Variants in CCDC97 observed in about 807,000 individuals in gnomAD.
CCDC97 encodes the protein coiled-coil domain containing 97.
Under a neutral mutation model 33.9 loss-of-function variants are expected in CCDC97, and 27 were observed. The observed-to-expected ratio is 0.80, with a 90% CI of 0.59 to 1.10. The LOEUF is 1.10. CCDC97 is among the 50% of genes least tolerant of loss of function. CCDC97 has a pLI of 0.00. For missense variants in CCDC97, 422 were observed against 476.6 expected (o/e 0.89, Z 1.07); for synonymous variants, 217 against 194.0 (o/e 1.12, Z -0.99).
At chr19:41,316,035 A>G (rs1157325100) in intron 1 of CCDC97, among the ~76,000 whole-genome samples, 1 of 151,408 alleles carries the variant, frequency 6.6e-6, no homozygotes, top group Admixed American at 6.6e-5. Flanking sequence ...TCAAGGCTGC[A>G]GTGAGCTGTG....
intron 1 of CCDC97, among the ~76,000 whole-genome samples, chr19:41,311,397 A>G (rs561111631): frequency 1.9e-4 from 28 of 150,852 alleles, no homozygotes; most frequent in African/African-American, 6.6e-4. Flanking sequence ...GGAGTTTGAG[A>G]CCAGCACTGG....
At chr19:41,310,775 A>C (rs1599870380) in intron 1 of CCDC97, 1 of 1,013,560 alleles carries the variant, frequency 9.9e-7, no homozygotes. Flanking sequence ...CTAAACTTCT[A>C]CCTGCCTCAT....
At chr19:41,312,163 A>C (rs1183931012) in intron 1 of CCDC97, among the ~76,000 whole-genome samples, 2 of 152,124 alleles carry the variant, frequency 1.3e-5, no homozygotes, top group African/African-American at 4.8e-5. Context: ...AGCTCACTGC[A>C]ACCTCCACCT....
At chr19:41,321,559 G>C (rs906079084) in intron 4 of CCDC97, among the ~76,000 whole-genome samples, 1 of 152,230 alleles carries the variant, frequency 6.6e-6, no homozygotes, top group Non-Finnish European at 1.5e-5. Context: ...CCTGAAAAGG[G>C]GTCCCACTCT....
At position 41,320,384 on chromosome 19, in the gene CCDC97, G is replaced by A. The variant is rs764277110; in HGVS notation, c.825G>A (p.Ser275=). ...GKDSEAWVPD[S]EERLILREEF... Reference sequence around the variant, plus strand: ...ACTCGGAGGCCTGGGTTCCCGACTCGGAGGAGAGGCTGATCCTGCGAGAGG... The same window carrying A: ...ACTCGGAGGCCTGGGTTCCCGACTCAGAGGAGAGGCTGATCCTGCGAGAGG... The change falls in exon 4 of 5, where the codon TCG becomes TCA. Residue 275 remains serine, a synonymous_variant. Coordinates refer to ENST00000269967, the MANE Select transcript of CCDC97 (RefSeq NM_052848.3). 28 of 1,614,122 alleles carry A rather than the reference G, an allele frequency of 1.7e-5. No individual in the cohort carries two copies. The East Asian group carries it at 2.0e-4, about 12-fold the overall frequency.
chr19:41,324,628 G>C lies in CCDC97; in HGVS notation c.*1913G>C, dbSNP rs1370041160. On this transcript the variant is annotated 3_prime_UTR_variant, in exon 5 of 5. Transcript: ENST00000269967. ...ATTGTCCCAGCAGTGCTATGCCCTA[G>C]GTACTACCAATATCACTCCTCTATT... The C allele has an allele frequency of 6.6e-6, 1 of 152,242 alleles. No homozygotes were observed. Among genetic ancestry groups the C allele is most frequent in the East Asian group, 1.9e-4 (1 of 5,194 alleles). The allele number at this position is 152,242 out of a possible 1,614,324, so 9.4% of individuals were successfully genotyped here.
Position 41,320,386 on chromosome 19 carries a change from A to G in CCDC97, c.827A>G (p.Glu276Gly), listed in dbSNP as rs754248374. The stretch of plus-strand genomic sequence containing the variant: ...TCGGAGGCCTGGGTTCCCGACTCGG[A>G]GGAGAGGCTGATCCTGCGAGAGGAG... ...KDSEAWVPDSEERLILREEFT... is the reference protein window; with the variant it reads ...KDSEAWVPDSGERLILREEFT... Residue 276 changes from glutamate to glycine, a missense_variant, in exon 4 of 5, where the codon GAG (glutamate) becomes GGG (glycine). Coordinates refer to ENST00000269967, the MANE Select transcript of CCDC97 (RefSeq NM_052848.3). 1 of 1,614,082 alleles carries G rather than the reference A, an allele frequency of 6.2e-7. No homozygotes were observed. Among genetic ancestry groups the G allele is most frequent in the Non-Finnish European group, 8.5e-7 (1 of 1,179,992 alleles).
At position 41,322,905 on chromosome 19, in the gene CCDC97, T is replaced by C; in HGVS notation, c.*190T>C. The stretch of plus-strand genomic sequence containing the variant: ...CCCCCACTGTTTCTGGGGTTCCCTT[T>C]CTCATCTCTCCCACCCTGTCTCCTG... On this transcript the variant is annotated 3_prime_UTR_variant, in exon 5 of 5. Transcript: ENST00000269967. 2.0e-6 allele frequency: 1 copy of C among 501,110 alleles called. No homozygotes were observed. The highest frequency in any genetic ancestry group is 3.4e-6 in the Non-Finnish European group (1 of 290,532). 31.0% of individuals were successfully genotyped at this position (501,110 alleles called of 1,614,324 possible). A position where few individuals can be genotyped will look rare whatever the true frequency, so the allele number is the denominator to read the frequency against.
At chr19:41,321,598 C>A (rs1308562424) in intron 4 of CCDC97, among the ~76,000 whole-genome samples, 1 of 152,190 alleles carries the variant, frequency 6.6e-6, no homozygotes, top group African/African-American at 2.4e-5. Flanking sequence ...TTTTCTAGCA[C>A]TTCATGGTGA....
intron 1 of CCDC97, among the ~76,000 whole-genome samples, chr19:41,313,498 A>G (rs575167324): frequency 6.6e-6 from 1 of 152,292 alleles, no homozygotes; most frequent in African/African-American, 2.4e-5. Flanking sequence ...CTCAGTCTTC[A>G]GCTGCATCAG....
Position 41,323,456 on chromosome 19 carries a change from A to G in CCDC97, c.*741A>G. ...CCCTTCCCTCAAACCTGGCTGCTAT[A>G]GGCAGCAGAACCCTGACCACTGAGT... On this transcript the variant is annotated 3_prime_UTR_variant, in exon 5 of 5. Transcript: ENST00000269967. 1 of 152,970 alleles carries G rather than the reference A, an allele frequency of 6.5e-6. No individual in the cohort carries two copies. The highest frequency in any genetic ancestry group is 1.5e-5 in the Non-Finnish European group (1 of 68,492). 9.5% of individuals were successfully genotyped at this position (152,970 alleles called of 1,614,324 possible). A position where few individuals can be genotyped will look rare whatever the true frequency, so the allele number is the denominator to read the frequency against.
chr19:41,319,761 G>A lies in CCDC97; in HGVS notation c.690G>A (p.Glu230=). The A allele has an allele frequency of 6.2e-7, 1 of 1,613,704 alleles. No homozygotes were observed. The highest frequency in any genetic ancestry group is 8.5e-7 in the Non-Finnish European group (1 of 1,179,864). Residue 230 remains glutamate, a synonymous_variant, in exon 3 of 5, where the codon GAG becomes GAA. Transcript: ENST00000269967. The part of the protein sequence containing the change: ...LSNLLLQSYE[E]RELQQRLLQQ... ...ACTTGCTGCTCCAGTCCTACGAGGAGCGGGAGCTACAGCAGCGTCTGCTCC... is the reference window on the plus strand; with the variant it reads ...ACTTGCTGCTCCAGTCCTACGAGGAACGGGAGCTACAGCAGCGTCTGCTCC...
At chr19:41,320,218 A>T in intron 3 of CCDC97, 123 bp from the exon 4 acceptor site, 1 of 1,265,820 alleles carries the variant, frequency 7.9e-7, no homozygotes, top group Non-Finnish European at 1.1e-6. Context: ...CTCTGTCACT[A>T]GTGTGTTCCC....
In CCDC97 at chr19:41,310,202, G is replaced by T; in HGVS notation, c.-109G>T. The stretch of plus-strand genomic sequence containing the variant: ...CGGAACTTCGGTGCCTGGGCGCAGC[G>T]GTGCACCCGGACCCGGAACATTCTC... On this transcript the variant is annotated 5_prime_UTR_variant, in exon 1 of 5. Transcript: ENST00000269967. 2.7e-6 allele frequency: 4 copies of T among 1,467,582 alleles called. No homozygotes were observed. In the South Asian group the frequency reaches 3.7e-5, roughly 13 times the overall value. The allele number at this position is 1,467,582 out of a possible 1,614,324, so 90.9% of individuals were successfully genotyped here.
At chr19:41,314,123 T>C (rs968091397) in intron 1 of CCDC97, among the ~76,000 whole-genome samples, 1 of 152,092 alleles carries the variant, frequency 6.6e-6, no homozygotes, top group African/African-American at 2.4e-5. Flanking sequence ...TTGCCTGACT[T>C]AGGGCCTCTC....
At chr19:41,315,097 C>T (rs183364559) in intron 1 of CCDC97, among the ~76,000 whole-genome samples, 1 of 141,162 alleles carries the variant, frequency 7.1e-6, no homozygotes, top group Admixed American at 7.2e-5. Context: ...GTCAGGAGTT[C>T]GAGACCAGCA....
At chr19:41,315,851 T>A (rs2037739872) in intron 1 of CCDC97, among the ~76,000 whole-genome samples, 1 of 151,904 alleles carries the variant, frequency 6.6e-6, no homozygotes, top group South Asian at 2.1e-4. Context: ...CCCAGCACTT[T>A]GGGAGGCCAA....
chr19:41,314,619 G>T (rs2037723627), intron 1 of CCDC97, among the ~76,000 whole-genome samples: 1 of 152,250 alleles, frequency 6.6e-6, no homozygotes, highest in Non-Finnish European at 1.5e-5. Context: ...TCTTTTCCAA[G>T]AGACCTCATG....
chr19:41,311,736 C>CAA (rs542098711), intron 1 of CCDC97, among the ~76,000 whole-genome samples: 4 of 141,216 alleles, frequency 2.8e-5, no homozygotes, highest in African/African-American at 1.0e-4. Flanking sequence ...AACTCTGTCT[C>CAA]AAAAAAAAAA....
Sources: gnomAD v4.1 joint callset for allele counts (sites outside exome capture counted in the v4.1 genomes callset) on GRCh38, gnomAD v4.1.1 for gene constraint, MANE v1.5 for transcripts, NCBI Gene and HGNC (gene_info 2026-07-23, HGNC 2026-07-21) for gene names.